GARIN2: variants seen among roughly 807,000 people sequenced by gnomAD.
GARIN2 encodes Golgi-associated RAB2 interactor protein 2.
chr14:67,221,762 G>C, the GARIN2 span: 12 of 1,612,590 alleles, frequency 7.4e-6, no homozygotes, highest in Admixed American at 8.4e-5. Flanking sequence ...TTTGAGATGT[G>C]CTATTTATTT....
chr14:67,225,921 C>CTGTGTGTG, the GARIN2 span, among the ~76,000 whole-genome samples: 1 of 85,090 alleles, frequency 1.2e-5, no homozygotes, highest in South Asian at 3.8e-4. Flanking sequence ...AAAGCTAATG[C>CTGTGTGTG]TGTGAGTGTG....
chr14:67,200,116 C>A, the GARIN2 span: 1 of 1,052,332 alleles, frequency 9.5e-7, no homozygotes, highest in Non-Finnish European at 1.4e-6. Context: ...GGGCATGCCC[C>A]CCCGAAGGCC....
chr14:67,199,383 A>C, the GARIN2 span: 6 of 1,613,952 alleles, frequency 3.7e-6, no homozygotes, highest in South Asian at 6.6e-5. Flanking sequence ...GGGAACCTGG[A>C]CCCTGAGATT....
At chr14:67,224,936 T>G in the GARIN2 span, 4 of 520,402 alleles carry the variant, frequency 7.7e-6, no homozygotes, top group South Asian at 1.0e-4. Flanking sequence ...TAAGCTCCAT[T>G]GCAAAGAATA....
the GARIN2 span, among the ~76,000 whole-genome samples, chr14:67,193,136 AG>A: frequency 2.1e-5 from 3 of 144,236 alleles, no homozygotes; most frequent in East Asian, 6.4e-4. Flanking sequence ...ATCTCTATAT[AG>A]ACATCTATCT....
At chr14:67,218,401 A>T in the GARIN2 span, among the ~76,000 whole-genome samples, 7 of 152,034 alleles carry the variant, frequency 4.6e-5, no homozygotes, top group Non-Finnish European at 7.4e-5. Context: ...TCAAATCTGG[A>T]ACACAAGTGC....
chr14:67,227,150 A>G, the GARIN2 span, among the ~76,000 whole-genome samples: 1 of 152,166 alleles, frequency 6.6e-6, no homozygotes, highest in Non-Finnish European at 1.5e-5. Context: ...AAATTGAAAA[A>G]TTTGCTCCCA....
chr14:67,225,829 C>T, the GARIN2 span, among the ~76,000 whole-genome samples: 1 of 152,080 alleles, frequency 6.6e-6, no homozygotes, highest in African/African-American at 2.4e-5. Context: ...TTCTCTCAGC[C>T]ATGATAACAA....
the GARIN2 span, among the ~76,000 whole-genome samples, chr14:67,210,229 A>C: frequency 6.6e-6 from 1 of 152,242 alleles, no homozygotes; most frequent in African/African-American, 2.4e-5. Context: ...TAACCAGGAA[A>C]TAGTATGTCG....
chr14:67,221,841 G>T, the GARIN2 span: 1 of 1,609,594 alleles, frequency 6.2e-7, no homozygotes, highest in South Asian at 1.1e-5. Flanking sequence ...GTTTTATTGT[G>T]ATCCCTGGTA....
At chr14:67,215,354 C>T in the GARIN2 span, among the ~76,000 whole-genome samples, 12 of 151,220 alleles carry the variant, frequency 7.9e-5, no homozygotes, top group African/African-American at 1.2e-4. Context: ...CTACTTTTAC[C>T]GAGGGCACAG....
At chr14:67,195,909 G>A in the GARIN2 span, among the ~76,000 whole-genome samples, 1 of 152,048 alleles carries the variant, frequency 6.6e-6, no homozygotes, top group Non-Finnish European at 1.5e-5. Context: ...GAGGCCTTTA[G>A]AAGTAGCTGA....
At chr14:67,198,078 A>G in the GARIN2 span, 4 of 1,511,240 alleles carry the variant, frequency 2.6e-6, no homozygotes, top group South Asian at 1.3e-5. Flanking sequence ...AAATGAAGCA[A>G]CTTAATTATG....
the GARIN2 span, among the ~76,000 whole-genome samples, chr14:67,226,542 G>A: frequency 6.6e-5 from 10 of 152,266 alleles, no homozygotes; most frequent in South Asian, 1.0e-3. Context: ...TGTATTTTTA[G>A]TAGAGACGGG....
the GARIN2 span, among the ~76,000 whole-genome samples, chr14:67,194,859 C>T: frequency 6.6e-6 from 1 of 152,128 alleles, no homozygotes; most frequent in Admixed American, 6.5e-5. Context: ...GGTTTCACAA[C>T]GTTGGCCAGG....
At chr14:67,225,215 T>TA in the GARIN2 span, 1 of 1,533,184 alleles carries the variant, frequency 6.5e-7, no homozygotes, top group Non-Finnish European at 8.7e-7. Context: ...GAAAGAAAAG[T>TA]AAAACAGAAA....
chr14:67,192,021 G>A, the GARIN2 span, among the ~76,000 whole-genome samples: 22,647 of 152,138 alleles, frequency 0.15, 2,812 homozygotes, highest in African/African-American at 0.34. Context: ...AGAAGTAACA[G>A]AGACCGCAAG....
At chr14:67,198,511 C>T in the GARIN2 span, among the ~76,000 whole-genome samples, 1 of 152,190 alleles carries the variant, frequency 6.6e-6, no homozygotes, top group Non-Finnish European at 1.5e-5. Flanking sequence ...CTTCAAATGT[C>T]CCCAAAACTC....
At chr14:67,217,035 G>A in the GARIN2 span, among the ~76,000 whole-genome samples, 2 of 152,152 alleles carry the variant, frequency 1.3e-5, no homozygotes, top group Admixed American at 6.5e-5. Context: ...TTATTGTATT[G>A]GGATCTCTAT....
Sources: allele counts gnomAD v4.1 joint callset (sites outside exome capture counted in the v4.1 genomes callset), GRCh38; gene constraint gnomAD v4.1.1; transcripts MANE v1.5; gene names NCBI Gene and HGNC (gene_info 2026-07-23, HGNC 2026-07-21).